The following THRAP3 variants were observed in gnomAD, a reference collection of about 807,000 sequenced individuals.
THRAP3 encodes the protein thyroid hormone receptor associated protein 3.
A neutral mutation model predicts 101.0 loss-of-function variants in THRAP3; 16 were observed. The ratio of observed to expected loss-of-function variants is 0.16; its 90% CI spans 0.11 to 0.24. THRAP3 has a LOEUF of 0.24. Among genes scored for constraint, THRAP3 ranks in the 10% least tolerant of loss-of-function variants. THRAP3 has a pLI of 1.00. For synonymous variants in THRAP3, 407 were observed against 422.6 expected, an observed-to-expected ratio of 0.96 and a Z score of 0.45; for missense variants, 989 against 1,202.7, an observed-to-expected ratio of 0.82 and a Z score of 2.63.
chr1:36,258,325 A>G (rs754631027), intron 1 of THRAP3, among the ~76,000 whole-genome samples: 3 of 152,260 alleles, frequency 2.0e-5, no homozygotes, highest in Non-Finnish European at 4.4e-5. Context: ...AGAAGAATAC[A>G]TAGCGAGAAG....
upstream of THRAP3, among the ~76,000 whole-genome samples, chr1:36,223,589 G>A (rs1570205290): frequency 6.6e-6 from 1 of 152,156 alleles, no homozygotes; most frequent in South Asian, 2.1e-4. Context: ...AATTCCGGAG[G>A]AAACCAGCCT....
At chr1:36,223,166 T>G (rs1453966756), upstream of THRAP3, among the ~76,000 whole-genome samples, 2 of 151,798 alleles carry the variant, frequency 1.3e-5, no homozygotes. Flanking sequence ...TCAATTAAAT[T>G]AGAACGTTTT....
chr1:36,286,731 C>G lies in THRAP3; in HGVS notation c.501C>G (p.Ser167Arg), dbSNP rs1377740947. The G allele has an allele frequency of 3.7e-6, 6 of 1,614,218 alleles. No individual in the cohort carries two copies. Among genetic ancestry groups the G allele is most frequent in the Non-Finnish European group, 5.1e-6 (6 of 1,180,038 alleles). The change falls in exon 4 of 12, where the codon AGC (serine) becomes AGG (arginine). Residue 167 changes from serine (S) to arginine (R), a missense_variant. Coordinates refer to ENST00000354618, the MANE Select transcript of THRAP3 (RefSeq NM_005119.4). This position sits in a 1 kb window ranked among gnomAD's most constrained non-coding sequence, Gnocchi z 5.5. ...SSSSRSSSNH[S>R]RVESSKRKSA... ...CCTCCCGTTCTTCCTCCAACCATAGCCGAGTTGAATCTTCTAAGCGCAAGT... is the reference window on the plus strand; with the variant it reads ...CCTCCCGTTCTTCCTCCAACCATAGGCGAGTTGAATCTTCTAAGCGCAAGT...
chr1:36,275,846 C>A lies in THRAP3; in HGVS notation c.-31-6687C>A, dbSNP rs117661921. Among the ~76,000 whole-genome samples, 14 of 151,708 alleles carry A rather than the reference C, an allele frequency of 9.2e-5. 1 individual carries two copies. The East Asian group carries it at 2.7e-3, about 30-fold the overall frequency. ...GACCAGTCTGGACAACATGGGGAGA[C>A]CCCGTCTCTACAAAATACAAATATT... On this transcript the variant is annotated intron_variant, in intron 2 of 11. Coordinates refer to ENST00000354618, the MANE Select transcript of THRAP3 (RefSeq NM_005119.4).
intron 1 of THRAP3, among the ~76,000 whole-genome samples, chr1:36,230,932 C>T (rs1645020938): frequency 6.6e-6 from 1 of 152,128 alleles, no homozygotes; most frequent in Non-Finnish European, 1.5e-5. Context: ...TTGCAGCAAC[C>T]ATCTTTTATA....
intron 1 of THRAP3, among the ~76,000 whole-genome samples, chr1:36,239,094 C>T (rs1417242558): frequency 6.6e-6 from 1 of 151,662 alleles, no homozygotes; most frequent in African/African-American, 2.4e-5. Context: ...CAACCACACC[C>T]GGCTAATTTT....
In THRAP3 at chr1:36,292,271, T is replaced by TC. The variant is rs1252629839; in HGVS notation, c.1919-327_1919-326insC. On this transcript the variant is annotated intron_variant, in intron 6 of 11. Transcript: ENST00000354618. ...TAATGTGTTTCTTTGTTTCTTTTTT[T>TC]TTTTTTTTTTTTTTTTTTGAGACGG... Among the ~76,000 whole-genome samples the TC allele has an allele frequency of 4.1e-4, 41 of 99,180 alleles. 3 individuals carry two copies. In the East Asian group the frequency reaches 0.012, roughly 29 times the overall value. 65.1% of individuals were successfully genotyped at this position (99,180 alleles called of 152,430 possible).
At chr1:36,272,564 T>G (rs931262680) in intron 2 of THRAP3, among the ~76,000 whole-genome samples, 7 of 152,212 alleles carry the variant, frequency 4.6e-5, no homozygotes, top group Non-Finnish European at 1.0e-4. Flanking sequence ...TGAGCTCAGC[T>G]TTCCTCCCAT....
At chr1:36,234,055 A>T (rs545928901) in intron 1 of THRAP3, among the ~76,000 whole-genome samples, 6 of 152,064 alleles carry the variant, frequency 3.9e-5, no homozygotes, top group Non-Finnish European at 7.4e-5. Flanking sequence ...TCTTGGGCCC[A>T]GGGAGTCCTC....
intron 2 of THRAP3, among the ~76,000 whole-genome samples, chr1:36,280,321 G>A (rs758090923): frequency 6.6e-6 from 1 of 152,138 alleles, no homozygotes; most frequent in East Asian, 1.9e-4. Flanking sequence ...ACTAAATAAA[G>A]AAAGATGAGG....
In THRAP3 at chr1:36,286,601, G is replaced by T; in HGVS notation, c.371G>T (p.Arg124Leu). 6.2e-7 allele frequency: 1 copy of T among 1,614,130 alleles called. No individual in the cohort carries two copies. The highest frequency in any genetic ancestry group is 8.5e-7 in the Non-Finnish European group (1 of 1,180,026). The change falls in exon 4 of 12, where the codon CGT (arginine) becomes CTT (leucine). Residue 124 changes from arginine (R) to leucine (L), a missense_variant. Arg to Leu is a moderately radical substitution (Grantham distance 102). Coordinates refer to ENST00000354618, the MANE Select transcript of THRAP3 (RefSeq NM_005119.4). This position sits in a 1 kb window ranked among gnomAD's most constrained non-coding sequence, Gnocchi z 5.5. ...CAAGCATACAGTCCTCGTCGAGGCC[G>T]TTCAAGATCCCGGTCCCCAAAGAGA... ...YRQAYSPRRG[R>L]SRSRSPKRRS... is the part of the protein sequence containing the mutation.
At chr1:36,255,100 G>A (rs1416615463) in intron 1 of THRAP3, among the ~76,000 whole-genome samples, 2 of 152,050 alleles carry the variant, frequency 1.3e-5, no homozygotes, top group African/African-American at 4.8e-5. Flanking sequence ...TTTTTTTACA[G>A]TGGGGAATTG....
At chr1:36,298,457 A>G (rs910706597) in intron 9 of THRAP3, among the ~76,000 whole-genome samples, 3 of 152,158 alleles carry the variant, frequency 2.0e-5, no homozygotes, top group Admixed American at 1.3e-4. Context: ...GACTTTGAAC[A>G]AGTCCCCTGC....
At chr1:36,273,672 A>G (rs1158181054) in intron 2 of THRAP3, among the ~76,000 whole-genome samples, 1 of 152,210 alleles carries the variant, frequency 6.6e-6, no homozygotes, top group Non-Finnish European at 1.5e-5. Flanking sequence ...TCTTAAATAG[A>G]AAAACCTAAG....
At chr1:36,271,652 A>C (rs1298592130) in intron 2 of THRAP3, among the ~76,000 whole-genome samples, 4 of 129,548 alleles carry the variant, frequency 3.1e-5, no homozygotes, top group Non-Finnish European at 6.2e-5. Context: ...GCTGGAGTGC[A>C]GTGCAGTCTT....
chr1:36,235,269 GATA>G (rs1167006238), intron 1 of THRAP3, among the ~76,000 whole-genome samples: 4 of 152,082 alleles, frequency 2.6e-5, no homozygotes, highest in African/African-American at 9.7e-5. Flanking sequence ...TGACACCATA[GATA>G]ATAATATTAT....
At chr1:36,247,935 A>C (rs1009085930) in intron 1 of THRAP3, among the ~76,000 whole-genome samples, 1 of 143,026 alleles carries the variant, frequency 7.0e-6, no homozygotes, top group African/African-American at 2.6e-5. Flanking sequence ...GCTGGAGTGC[A>C]GTGGCACGAT....
At chr1:36,231,908 T>C (rs1013256837) in intron 1 of THRAP3, among the ~76,000 whole-genome samples, 13 of 152,136 alleles carry the variant, frequency 8.5e-5, no homozygotes, top group African/African-American at 3.1e-4. Context: ...GGTGTTGGGT[T>C]GCCCAATAGA....
chr1:36,217,158 TACAA>T, the THRAP3 span, among the ~76,000 whole-genome samples: 1 of 152,192 alleles, frequency 6.6e-6, no homozygotes, highest in Non-Finnish European at 1.5e-5. Flanking sequence ...AATGCAGACA[TACAA>T]ACAATTAACT....
Sources: allele counts gnomAD v4.1 joint callset (sites outside exome capture counted in the v4.1 genomes callset), GRCh38; gene constraint gnomAD v4.1.1; non-coding constraint Gnocchi (gnomAD v3.1); transcripts MANE v1.5; gene names NCBI Gene and HGNC (gene_info 2026-07-23, HGNC 2026-07-21).